GRID2IP: variants seen among roughly 807,000 people sequenced by gnomAD.
GRID2IP encodes delphilin.
GRID2IP carries 78 observed loss-of-function variants against 114.3 expected under a neutral mutation model. The ratio of observed to expected loss-of-function variants is 0.68; its 90% CI spans 0.57 to 0.82. The LOEUF (loss-of-function observed/expected upper bound fraction) is 0.82. Among genes scored for constraint, GRID2IP ranks in the 40% least tolerant of loss-of-function variants. The pLI is 0.00. For synonymous variants in GRID2IP, 809 were observed against 724.0 expected (o/e 1.12, Z -1.89); for missense variants, 1,727 against 1,678.5 (o/e 1.03, Z -0.51).
chr7:6,538,793 G>A (rs2115095909), intron 2 of GRID2IP, among the ~76,000 whole-genome samples: 1 of 152,116 alleles, frequency 6.6e-6, no homozygotes, highest in African/African-American at 2.4e-5. Context: ...AGAATTGCTT[G>A]AACCGGGGAG....
chr7:6,547,381 C>CTTT (rs370572345), intron 1 of GRID2IP, among the ~76,000 whole-genome samples: 1 of 145,720 alleles, frequency 6.9e-6, no homozygotes, highest in Non-Finnish European at 1.5e-5. Context: ...TCTCCCCAGT[C>CTTT]TTTTTTTTTT....
intron 4 of GRID2IP, 71 bp from the exon 5 acceptor site, chr7:6,522,028 G>A (rs1227919272): frequency 1.8e-5 from 22 of 1,249,948 alleles, no homozygotes; most frequent in Non-Finnish European, 2.5e-5. Flanking sequence ...ATGCTATCCT[G>A]TTTTACAGGC....
intron 17 of GRID2IP, 40 bp downstream of exon 17, chr7:6,502,968 G>T (rs941912938): frequency 1.9e-6 from 3 of 1,550,782 alleles, no homozygotes; most frequent in Non-Finnish European, 1.7e-6. Flanking sequence ...CCAGGAGGCA[G>T]AGAAGCAGAT....
chr7:6,508,385 T>A lies in GRID2IP; in HGVS notation c.2144A>T (p.Asp715Val). The stretch of plus-strand genomic sequence containing the variant: ...CTCATTGGTTACGAAGCTGCCCTGG[T>A]CATCATGGAAGCTCATCTGGTGGTG... ...NDYEEMSFHD[D>V]QGSFVTNERS... The change falls in exon 13 of 22, where the codon GAC (aspartate) becomes GTC (valine). Residue 715 changes from aspartate (D) to valine (V), a missense_variant. Transcript: ENST00000457091. This position sits in a 1 kb window ranked among gnomAD's most constrained non-coding sequence, Gnocchi z 5.6. The A allele has an allele frequency of 1.3e-6, 2 of 1,551,326 alleles. No individual in the cohort carries two copies. The highest frequency in any genetic ancestry group is 2.4e-5 in the South Asian group (2 of 84,054).
chr7:6,547,845 G>A (rs1562526870), intron 1 of GRID2IP, among the ~76,000 whole-genome samples: 1 of 152,196 alleles, frequency 6.6e-6, no homozygotes, highest in Admixed American at 6.5e-5. Flanking sequence ...GGAGGCCAGA[G>A]TGGGTGGGGA....
intron 19 of GRID2IP, 45 bp from the exon 20 acceptor site, chr7:6,501,944 C>T (rs984425881): frequency 1.4e-5 from 21 of 1,550,872 alleles, no homozygotes; most frequent in African/African-American, 8.2e-5. Flanking sequence ...CTCTCCCAGC[C>T]CAGGACAGCA....
At position 6,521,200 on chromosome 7, in the gene GRID2IP, G is replaced by C. The variant is rs1011283519; in HGVS notation, c.1084+229C>G. Reference sequence around the variant, plus strand: ...TGCTCAGACTGGTCTCAAACTCCTGGCCTCAAGCGATCCTCCCACCTTGGC... The same window carrying C: ...TGCTCAGACTGGTCTCAAACTCCTGCCCTCAAGCGATCCTCCCACCTTGGC... On this transcript the variant is annotated intron_variant, in intron 6 of 21. Coordinates refer to ENST00000457091, the MANE Select transcript of GRID2IP (RefSeq NM_001145118.2). This position sits in a 1 kb window ranked among gnomAD's most constrained non-coding sequence, Gnocchi z 4.1. Among the ~76,000 whole-genome samples, 2 of 152,072 alleles carry C rather than the reference G, an allele frequency of 1.3e-5. No homozygotes were observed. Among genetic ancestry groups the C allele is most frequent in the Non-Finnish European group, 2.9e-5 (2 of 68,008 alleles).
At chr7:6,541,239 C>T (rs984945699) in intron 1 of GRID2IP, among the ~76,000 whole-genome samples, 7 of 152,022 alleles carry the variant, frequency 4.6e-5, no homozygotes, top group East Asian at 1.9e-4. Flanking sequence ...GACGGCGTCA[C>T]GGGGTGAAAG....
intron 2 of GRID2IP, among the ~76,000 whole-genome samples, chr7:6,539,287 C>G (rs1052929640): frequency 6.6e-6 from 1 of 152,104 alleles, no homozygotes; most frequent in African/African-American, 2.4e-5. Context: ...CACCACCACA[C>G]CCAGTTAATT....
At chr7:6,502,730 G>A (rs755585816) in intron 18 of GRID2IP, 56 bp downstream of exon 18, 204 of 1,313,420 alleles carry the variant, frequency 1.6e-4, no homozygotes, top group Non-Finnish European at 3.5e-5. Context: ...TAGGCCTGGC[G>A]TTAGCGCCTT....
chr7:6,502,108 G>A lies in GRID2IP; in HGVS notation c.3161C>T (p.Thr1054Ile). 2 of 1,551,400 alleles carry A rather than the reference G, an allele frequency of 1.3e-6. No individual in the cohort carries two copies. The highest frequency in any genetic ancestry group is 1.7e-6 in the Non-Finnish European group (2 of 1,146,916). Residue 1054 changes from threonine (T) to isoleucine (I), a missense_variant, in exon 19 of 22, where the codon ACC (threonine) becomes ATC (isoleucine). Transcript: ENST00000457091. ...GGTGGACTTCCCATCCACTGTCTTG[G>A]TGGAGTTCAGCTGCAAGTGACCCCC... ...KINFLTELNS[T>I]KTVDGKSTFL...
chr7:6,533,159 TG>T (rs1434633617), intron 2 of GRID2IP, among the ~76,000 whole-genome samples: 3 of 152,140 alleles, frequency 2.0e-5, no homozygotes, highest in African/African-American at 7.2e-5. Flanking sequence ...GGTAGAGGCC[TG>T]GGATACTGCT....
Position 6,521,431 on chromosome 7 carries a change from C to T in GRID2IP, c.1082G>A (p.Ser361Asn), listed in dbSNP as rs764130285. The T allele has an allele frequency of 9.7e-6, 15 of 1,541,796 alleles. No individual in the cohort carries two copies. The highest frequency in any genetic ancestry group is 1.2e-5 in the Non-Finnish European group (14 of 1,141,770). The change falls in exon 6 of 22, where the codon AGT (serine) becomes AAT (asparagine). Residue 361 changes from serine to asparagine, a missense_variant and splice_region_variant. Ser to Asn is a conservative substitution (Grantham distance 46). Coordinates refer to ENST00000457091, the MANE Select transcript of GRID2IP (RefSeq NM_001145118.2). The surrounding 1 kb of genome is among the most constrained non-coding windows in gnomAD (Gnocchi z 4.1). ...VVEEGLVPFA[S>N]DSDSLDSPNP... is the part of the protein sequence containing the mutation. Reference sequence around the variant, plus strand: ...CCAAGTGTCCATGGGGGTCTCACCACTGGCAAATGGGACGAGCCCTTCCTC... The same window carrying T: ...CCAAGTGTCCATGGGGGTCTCACCATTGGCAAATGGGACGAGCCCTTCCTC...
chr7:6,532,356 CCT>C lies in GRID2IP; in HGVS notation c.585-5589_585-5588del, dbSNP rs939477504. 3.9e-5 allele frequency among the ~76,000 whole-genome samples: 6 copies of C among 152,102 alleles called. No individual in the cohort carries two copies. Among genetic ancestry groups the C allele is most frequent in the African/African-American group, 1.4e-4 (6 of 41,390 alleles). On this transcript the variant is annotated intron_variant, in intron 2 of 21. Transcript: ENST00000457091. The surrounding 1 kb of genome is among the most constrained non-coding windows in gnomAD (Gnocchi z 4.4). ...GAGGCAAGATGCCCCGGGGACTTTC[CCT>C]CTGTCTCACTCAGAGGGACAGCTCC...
chr7:6,503,070 C>G lies in GRID2IP; in HGVS notation c.3001G>C (p.Glu1001Gln), dbSNP rs1786462328. The G allele has an allele frequency of 1.3e-6, 2 of 1,551,436 alleles. No homozygotes were observed. Among genetic ancestry groups the G allele is most frequent in the African/African-American group, 2.7e-5 (2 of 73,058 alleles). The change falls in exon 17 of 22, where the codon GAA becomes CAA. Residue 1001 changes from glutamate to glutamine, a missense_variant. Coordinates refer to ENST00000457091, the MANE Select transcript of GRID2IP (RefSeq NM_001145118.2). ...TCCAGGGAGGCCTGGCGCAAGCATT[C>G]AAGGCTGCCTCGGATCTCCTCTGTC... Reference protein sequence around the residue: ...EKTEEIRGSLECLRQASLELK... With the variant: ...EKTEEIRGSLQCLRQASLELK...
At chr7:6,504,362 G>C (rs533244138) in intron 15 of GRID2IP, among the ~76,000 whole-genome samples, 125 of 151,374 alleles carry the variant, frequency 8.3e-4, no homozygotes, top group African/African-American at 2.7e-3. Flanking sequence ...GAGGGGACAA[G>C]GAACAAGGGC....
chr7:6,521,800 C>T lies in GRID2IP; in HGVS notation c.989+88G>A, dbSNP rs1779417195. 1.0e-6 allele frequency: 1 copy of T among 1,004,850 alleles called. No individual in the cohort carries two copies. Among genetic ancestry groups the T allele is most frequent in the East Asian group, 2.6e-5 (1 of 38,340 alleles). 62.2% of individuals were successfully genotyped at this position (1,004,850 alleles called of 1,614,324 possible). A position where few individuals can be genotyped will look rare whatever the true frequency, so the allele number is the denominator to read the frequency against. ...CCAAATGGTGAGAGGAGATTGTGAT[C>T]ACAGCCTGGGTGCCCCAAGAGGCAG... On this transcript the variant is annotated intron_variant, in intron 5 of 21. Coordinates refer to ENST00000457091, the MANE Select transcript of GRID2IP (RefSeq NM_001145118.2). The surrounding 1 kb of genome is among the most constrained non-coding windows in gnomAD (Gnocchi z 4.1).
At chr7:6,501,509 C>T (rs540199522) in intron 20 of GRID2IP, among the ~76,000 whole-genome samples, 11 of 152,344 alleles carry the variant, frequency 7.2e-5, no homozygotes, top group South Asian at 4.1e-4. Context: ...TTAGACCAGC[C>T]TGGGCAACAT....
Position 6,516,810 on chromosome 7 carries a change from T to C in GRID2IP, c.1269-2281A>G, listed in dbSNP as rs1054559553. Reference sequence around the variant, plus strand: ...GCATAGAAGAAATAATTACGTAAGCTGTCCCCTCTTTCTCTCCGCCTCAGC... The same window carrying C: ...GCATAGAAGAAATAATTACGTAAGCCGTCCCCTCTTTCTCTCCGCCTCAGC... On this transcript the variant is annotated intron_variant, in intron 7 of 21. Transcript: ENST00000457091. The surrounding 1 kb of genome is among the most constrained non-coding windows in gnomAD (Gnocchi z 4.3). 1.3e-5 allele frequency among the ~76,000 whole-genome samples: 2 copies of C among 152,174 alleles called. No homozygotes were observed. Among genetic ancestry groups the C allele is most frequent in the Non-Finnish European group, 2.9e-5 (2 of 68,030 alleles).
Sources: allele counts gnomAD v4.1 joint callset (sites outside exome capture counted in the v4.1 genomes callset), GRCh38; gene constraint gnomAD v4.1.1; non-coding constraint Gnocchi (gnomAD v3.1); transcripts MANE v1.5; gene names NCBI Gene and HGNC (gene_info 2026-07-23, HGNC 2026-07-21).